Variants in LINC00237 observed in about 807,000 individuals in gnomAD.
LINC00237 encodes long intergenic non-protein coding RNA 237.
At chr20:21,102,815 A>G (rs987173515) in intron 1 of LINC00237, among the ~76,000 whole-genome samples, 1 of 152,166 alleles carries the variant, frequency 6.6e-6, no homozygotes, top group African/African-American at 2.4e-5. Flanking sequence ...GGCAGACTTC[A>G]AAAGGCTTGA....
chr20:21,088,220 T>C (rs1220759480), intron 2 of LINC00237, among the ~76,000 whole-genome samples: 1 of 152,002 alleles, frequency 6.6e-6, no homozygotes, highest in Non-Finnish European at 1.5e-5. Context: ...TGAATAAAGG[T>C]GGCGTAGAAA....
chr20:21,091,650 C>T (rs1450264066), intron 2 of LINC00237, among the ~76,000 whole-genome samples: 1 of 152,194 alleles, frequency 6.6e-6, no homozygotes, highest in Non-Finnish European at 1.5e-5. Context: ...AGGACCGTCT[C>T]AACCAAATAC....
At chr20:21,092,171 T>C (rs1053105775) in intron 2 of LINC00237, among the ~76,000 whole-genome samples, 1 of 152,226 alleles carries the variant, frequency 6.6e-6, no homozygotes, top group Non-Finnish European at 1.5e-5. Flanking sequence ...TCTGTACTAT[T>C]ATCAACCAAT....
intron 2 of LINC00237, among the ~76,000 whole-genome samples, chr20:21,092,309 G>A (rs565807306): frequency 6.6e-5 from 10 of 152,298 alleles, no homozygotes; most frequent in South Asian, 4.1e-4. Context: ...ACCAACATTC[G>A]TATCTGACGA....
chr20:21,100,322 C>A (rs186581807), intron 1 of LINC00237, among the ~76,000 whole-genome samples: 3 of 152,190 alleles, frequency 2.0e-5, no homozygotes, highest in Admixed American at 1.3e-4. Flanking sequence ...CGAGCCGGGA[C>A]CAGTAATGTC....
chr20:21,097,866 C>G (rs1351365803), intron 1 of LINC00237, among the ~76,000 whole-genome samples: 1 of 152,150 alleles, frequency 6.6e-6, no homozygotes, highest in Non-Finnish European at 1.5e-5. Context: ...AACTCATCAA[C>G]TTTAATGGTA....
chr20:21,087,018 T>A (rs2030721026), intron 3 of LINC00237, among the ~76,000 whole-genome samples: 1 of 145,016 alleles, frequency 6.9e-6, no homozygotes, highest in Non-Finnish European at 1.5e-5. Context: ...ATAGTATATA[T>A]GTACTCTATA....
chr20:21,091,962 G>C (rs960094433), intron 2 of LINC00237, among the ~76,000 whole-genome samples: 6 of 151,972 alleles, frequency 3.9e-5, no homozygotes, highest in African/African-American at 1.5e-4. Context: ...CCAATTTTGA[G>C]AGAGGAGTTT....
chr20:21,095,611 A>C (rs2030847462), intron 1 of LINC00237, among the ~76,000 whole-genome samples: 1 of 152,250 alleles, frequency 6.6e-6, no homozygotes, highest in Non-Finnish European at 1.5e-5. Flanking sequence ...TAGAGCAAGC[A>C]TTTCAGGTTA....
rs141721778 is a variant in LINC00237 at position 21,101,131 on chromosome 20, A to G, written n.88+5140T>C. Among the ~76,000 whole-genome samples, 486 of 152,282 alleles carry G rather than the reference A, an allele frequency of 3.2e-3. No individual in the cohort carries two copies. The highest frequency in any genetic ancestry group is 0.011 in the African/African-American group (462 of 41,564). ...TCCGCGGTTCAACAGCTAAAGAGCA[A>G]TTTGATGGGGCTGGGATGGGGAAAT... On this transcript the variant is annotated intron_variant and non_coding_transcript_variant, in intron 1 of 3. Transcript: ENST00000691244. The surrounding 1 kb of genome is among the most constrained non-coding windows in gnomAD (Gnocchi z 4.3).
At chr20:21,102,547 G>T (rs935431227) in intron 1 of LINC00237, among the ~76,000 whole-genome samples, 1 of 152,218 alleles carries the variant, frequency 6.6e-6, no homozygotes, top group Non-Finnish European at 1.5e-5. Context: ...TGGAGAGAGA[G>T]AATTTAACAC....
intron 1 of LINC00237, among the ~76,000 whole-genome samples, chr20:21,099,009 A>C (rs889418052): frequency 6.6e-6 from 1 of 152,246 alleles, no homozygotes; most frequent in Non-Finnish European, 1.5e-5. Context: ...CAAGAAGAGC[A>C]AGGGGTAAGT....
intron 2 of LINC00237, among the ~76,000 whole-genome samples, chr20:21,091,878 C>A (rs756703016): frequency 1.6e-4 from 24 of 152,198 alleles, no homozygotes; most frequent in Non-Finnish European, 3.2e-4. Flanking sequence ...TATGCACATT[C>A]ATTTCCAGCA....
intron 1 of LINC00237, among the ~76,000 whole-genome samples, chr20:21,095,900 G>A (rs2030852083): frequency 6.6e-6 from 1 of 152,230 alleles, no homozygotes; most frequent in Non-Finnish European, 1.5e-5. Flanking sequence ...CTCAGCCAGT[G>A]ACTGATGGAA....
chr20:21,094,983 G>A (rs2030838323), intron 1 of LINC00237, among the ~76,000 whole-genome samples: 1 of 152,174 alleles, frequency 6.6e-6, no homozygotes, highest in Non-Finnish European at 1.5e-5. Context: ...CCCAGGAGGT[G>A]AGGTTGCAGT....
chr20:21,094,111 T>A (rs2030825759), intron 1 of LINC00237, among the ~76,000 whole-genome samples: 1 of 152,238 alleles, frequency 6.6e-6, no homozygotes, highest in Non-Finnish European at 1.5e-5. Flanking sequence ...GATGTTTACA[T>A]CACCTAAGCC....
At chr20:21,086,841 GTATAGTATACACTATATATGTA>G (rs1298957397) in intron 3 of LINC00237, among the ~76,000 whole-genome samples, 4 of 122,164 alleles carry the variant, frequency 3.3e-5, no homozygotes, top group East Asian at 4.6e-4. Context: ...TACTATATAT[GTATAGTATACACTATATATGTA>G]TATAGTATAC....
intron 3 of LINC00237, among the ~76,000 whole-genome samples, chr20:21,087,444 T>C (rs940521076): frequency 1.3e-5 from 2 of 152,022 alleles, no homozygotes; most frequent in South Asian, 2.1e-4. Context: ...CTCTATAAAT[T>C]TGTGCAAATA....
intron 1 of LINC00237, among the ~76,000 whole-genome samples, chr20:21,102,742 GC>G (rs1477572803): frequency 3.3e-5 from 5 of 151,784 alleles, no homozygotes; most frequent in Non-Finnish European, 7.4e-5. Context: ...GGAGTGGATG[GC>G]CCCCACTGAG....
Sources: gnomAD v4.1 joint callset for allele counts (sites outside exome capture counted in the v4.1 genomes callset) on GRCh38, gnomAD v4.1.1 for gene constraint, Gnocchi (gnomAD v3.1) non-coding constraint, MANE v1.5 for transcripts, NCBI Gene and HGNC (gene_info 2026-07-23, HGNC 2026-07-21) for gene names.